DAB2IP: variants seen among roughly 807,000 people sequenced by gnomAD.
The protein encoded by DAB2IP is disabled homolog 2-interacting protein.
In DAB2IP, 28 loss-of-function variants were observed where a neutral mutation model predicts 107.2. The ratio of observed to expected loss-of-function variants is 0.26; its 90% CI spans 0.19 to 0.36. DAB2IP has a LOEUF of 0.36. Among genes scored for constraint, DAB2IP ranks in the 10% least tolerant of loss-of-function variants. The pLI, the probability that DAB2IP is intolerant of heterozygous loss-of-function variation, is 1.00. For synonymous variants in DAB2IP, 755 were observed against 706.4 expected (o/e 1.07, Z -1.09); for missense variants, 1,400 against 1,644.7 (o/e 0.85, Z 2.57).
At chr9:121,631,731 G>T (rs1288082401) in intron 1 of DAB2IP, among the ~76,000 whole-genome samples, 5 of 149,614 alleles carry the variant, frequency 3.3e-5, no homozygotes, top group Admixed American at 6.7e-5. Flanking sequence ...CAGGAGAATC[G>T]CTTGAACCCG....
At chr9:121,723,584 C>T (rs2118827340) in intron 3 of DAB2IP, among the ~76,000 whole-genome samples, 1 of 152,320 alleles carries the variant, frequency 6.6e-6, no homozygotes, top group South Asian at 2.1e-4. Context: ...CTCTCCCCAC[C>T]CTGGTTTCAC....
At chr9:121,700,467 C>T (rs1829712957) in intron 3 of DAB2IP, among the ~76,000 whole-genome samples, 1 of 152,144 alleles carries the variant, frequency 6.6e-6, no homozygotes, top group African/African-American at 2.4e-5. Flanking sequence ...GGTGAAAGTA[C>T]GGGCAGGCAC....
At position 121,623,235 on chromosome 9, in the gene DAB2IP, G is replaced by C. The variant is rs553388750; in HGVS notation, c.41-55443G>C. On this transcript the variant is annotated intron_variant, in intron 1 of 16. Transcript: ENST00000259371. ...CTAGACCCAGGTGGCAGCCCCACCA[G>C]ATTTAACATCCAGGGGTGGTGCAGG... Among the ~76,000 whole-genome samples, 6 of 152,312 alleles carry C rather than the reference G, an allele frequency of 3.9e-5. No individual in the cohort carries two copies. In the East Asian group the frequency reaches 1.2e-3, roughly 29 times the overall value.
chr9:121,686,702 G>A (rs1001685961), intron 2 of DAB2IP, among the ~76,000 whole-genome samples: 26 of 152,152 alleles, frequency 1.7e-4, no homozygotes, highest in Non-Finnish European at 2.9e-4. Context: ...CTCTTTCCCT[G>A]TCTGTAAATG....
intron 3 of DAB2IP, among the ~76,000 whole-genome samples, chr9:121,723,481 A>G (rs1831055660): frequency 6.6e-6 from 1 of 152,182 alleles, no homozygotes; most frequent in African/African-American, 2.4e-5. Context: ...TGCTCAGAAC[A>G]AGGGACAGCC....
At chr9:121,764,848 C>G (rs1478071198) in intron 8 of DAB2IP, among the ~76,000 whole-genome samples, 1 of 152,234 alleles carries the variant, frequency 6.6e-6, no homozygotes. Context: ...CTGTCGCAGC[C>G]CTGATCCCAT....
At chr9:121,754,481 G>T (rs983449213) in intron 3 of DAB2IP, among the ~76,000 whole-genome samples, 1 of 152,166 alleles carries the variant, frequency 6.6e-6, no homozygotes, top group Non-Finnish European at 1.5e-5. Flanking sequence ...AGCTTGGGCT[G>T]CAGGGATGGA....
At chr9:121,668,226 C>A (rs1833529045) in intron 1 of DAB2IP, among the ~76,000 whole-genome samples, 1 of 147,948 alleles carries the variant, frequency 6.8e-6, no homozygotes, top group African/African-American at 2.5e-5. Flanking sequence ...TGGAGTCTTG[C>A]TTTGTCGCTA....
At chr9:121,590,856 G>T (rs1385791476) in intron 1 of DAB2IP, among the ~76,000 whole-genome samples, 1 of 152,142 alleles carries the variant, frequency 6.6e-6, no homozygotes, top group African/African-American at 2.4e-5. Flanking sequence ...TGTGTTTAGG[G>T]ATGCCCAGCC....
chr9:121,757,104 G>A, exon 4 of DAB2IP: 1 of 1,614,212 alleles, frequency 6.2e-7, no homozygotes, highest in Non-Finnish European at 8.5e-7. Context: ...CCTCAGCATG[G>A]AGGAAGAGGT....
At chr9:121,724,298 C>T (rs1310546312) in intron 3 of DAB2IP, among the ~76,000 whole-genome samples, 2 of 151,622 alleles carry the variant, frequency 1.3e-5, no homozygotes, top group East Asian at 3.9e-4. Flanking sequence ...CCTCCCCGTT[C>T]CCTGCCCCAC....
At chr9:121,756,489 C>G (rs1833487388) in intron 3 of DAB2IP, among the ~76,000 whole-genome samples, 1 of 152,274 alleles carries the variant, frequency 6.6e-6, no homozygotes, top group African/African-American at 2.4e-5. Flanking sequence ...ATGGGAGCAG[C>G]AGGGTCCCTG....
intron 1 of DAB2IP, among the ~76,000 whole-genome samples, chr9:121,668,688 A>G (rs1833548017): frequency 6.6e-6 from 1 of 152,042 alleles, no homozygotes; most frequent in Admixed American, 6.6e-5. Flanking sequence ...AGTTTTGGGA[A>G]GTCTTAATTA....
intron 3 of DAB2IP, among the ~76,000 whole-genome samples, chr9:121,744,249 G>A (rs1443687963): frequency 6.6e-6 from 1 of 152,192 alleles, no homozygotes; most frequent in Admixed American, 6.5e-5. Context: ...AGTCCATGGG[G>A]CCCAGGCCCA....
intron 1 of DAB2IP, among the ~76,000 whole-genome samples, chr9:121,585,317 G>C (rs1830288864): frequency 6.6e-6 from 1 of 152,074 alleles, no homozygotes; most frequent in Non-Finnish European, 1.5e-5. Context: ...TCAAATCCCA[G>C]CTCTGTCCCT....
At chr9:121,722,946 T>C (rs534792570) in intron 3 of DAB2IP, among the ~76,000 whole-genome samples, 5 of 152,320 alleles carry the variant, frequency 3.3e-5, no homozygotes, top group Non-Finnish European at 7.3e-5. Context: ...GGACTGTTGG[T>C]CGGGGACTTT....
chr9:121,738,399 C>T (rs1832082276), intron 3 of DAB2IP, among the ~76,000 whole-genome samples: 1 of 152,178 alleles, frequency 6.6e-6, no homozygotes. Flanking sequence ...TTTATTGATC[C>T]AGACACTAAT....
At chr9:121,687,380 G>A (rs926237801) in intron 2 of DAB2IP, among the ~76,000 whole-genome samples, 5 of 152,170 alleles carry the variant, frequency 3.3e-5, no homozygotes, top group African/African-American at 1.2e-4. Flanking sequence ...CACAGGGTGA[G>A]GTGGACCAGC....
rs77381590 is a variant in DAB2IP, at chr9:121,738,528, C to T, written c.363-18485C>T. 1.8e-3 allele frequency among the ~76,000 whole-genome samples: 280 copies of T among 152,188 alleles called. 1 individual carries two copies. Among genetic ancestry groups the T allele is most frequent in the Middle Eastern group, 3.4e-3 (1 of 292 alleles). ...GATCTGGGAGGGAGTTGTGGGTTGG[C>T]CTTGTTCAGATCTAGCCTCTTCAAG... On this transcript the variant is annotated intron_variant, in intron 3 of 15. Transcript: ENST00000408936.
Sources: allele counts gnomAD v4.1 joint callset (sites outside exome capture counted in the v4.1 genomes callset), GRCh38; gene constraint gnomAD v4.1.1; transcripts MANE v1.5; gene names NCBI Gene and HGNC (gene_info 2026-07-23, HGNC 2026-07-21).